The following CCSER1 variants were observed in gnomAD, a reference collection of about 807,000 sequenced individuals.
CCSER1 encodes the protein coiled-coil serine rich protein 1.
CCSER1 carries 41 observed loss-of-function variants against 82.0 expected under a neutral mutation model. The ratio of observed to expected loss-of-function variants is 0.50; its 90% CI spans 0.39 to 0.65. The LOEUF is 0.65. Ranked by LOEUF, CCSER1 falls within the 30% of genes least tolerant of loss-of-function variation. The pLI is 0.00. For synonymous variants in CCSER1, 414 were observed against 383.9 expected (o/e 1.08, Z -0.92); for missense variants, 1,119 against 1,064.2 (o/e 1.05, Z -0.72).
intron 6 of CCSER1, among the ~76,000 whole-genome samples, chr4:90,718,955 T>C (rs1331519264): frequency 6.6e-6 from 1 of 152,078 alleles, no homozygotes; most frequent in Non-Finnish European, 1.5e-5. Flanking sequence ...AACTGGTCAA[T>C]GTATTTGGAT....
At chr4:90,302,896 G>C (rs1733447547) in intron 1 of CCSER1, among the ~76,000 whole-genome samples, 1 of 152,122 alleles carries the variant, frequency 6.6e-6, no homozygotes, top group African/African-American at 2.4e-5. Flanking sequence ...TGAAAGCGGA[G>C]CATGAAGTGT....
At chr4:91,556,378 C>T (rs901610403) in intron 10 of CCSER1, among the ~76,000 whole-genome samples, 1 of 150,676 alleles carries the variant, frequency 6.6e-6, no homozygotes, top group African/African-American at 2.4e-5. Context: ...TTAAAGAACA[C>T]AGTGGAAATT....
intron 4 of CCSER1, among the ~76,000 whole-genome samples, chr4:90,458,509 T>G (rs961222537): frequency 3.3e-5 from 5 of 152,142 alleles, no homozygotes; most frequent in African/African-American, 1.2e-4. Flanking sequence ...TGTGCCACCA[T>G]GCCTGGCTAA....
Position 90,308,817 on chromosome 4 carries a change from G to A in CCSER1, c.533G>A (p.Arg178Lys). 1 of 1,613,762 alleles carries A rather than the reference G, an allele frequency of 6.2e-7. No homozygotes were observed. The highest frequency in any genetic ancestry group is 8.5e-7 in the Non-Finnish European group (1 of 1,179,818). Residue 178 changes from arginine to lysine, a missense_variant, in exon 2 of 11, where the codon AGG (arginine) becomes AAG (lysine). Coordinates refer to ENST00000509176, the MANE Select transcript of CCSER1 (RefSeq NM_001145065.2). ...QTRRSVKQST[R>K]KLLPKSFSSH... ...CGTCGTTCTGTTAAGCAGTCAACAA[G>A]GAAGCTACTCCCTAAATCTTTTTCA...
At chr4:90,759,255 G>A (rs943230119) in intron 7 of CCSER1, among the ~76,000 whole-genome samples, 1 of 152,156 alleles carries the variant, frequency 6.6e-6, no homozygotes, top group African/African-American at 2.4e-5. Context: ...CTAATAGACT[G>A]TAATTAATCT....
At chr4:91,188,269 G>A (rs1356374516) in intron 10 of CCSER1, among the ~76,000 whole-genome samples, 1 of 151,990 alleles carries the variant, frequency 6.6e-6, no homozygotes, top group Non-Finnish European at 1.5e-5. Flanking sequence ...TCTCTTCTCA[G>A]TTTTCAGGAA....
At chr4:91,262,055 G>A (rs977015711) in intron 10 of CCSER1, among the ~76,000 whole-genome samples, 2 of 151,904 alleles carry the variant, frequency 1.3e-5, no homozygotes, top group Non-Finnish European at 2.9e-5. Flanking sequence ...ATTTGCCCCG[G>A]ATGATTAAAG....
chr4:90,319,720 A>G (rs1357030867), intron 3 of CCSER1, among the ~76,000 whole-genome samples: 1 of 152,216 alleles, frequency 6.6e-6, no homozygotes, highest in Non-Finnish European at 1.5e-5. Flanking sequence ...CCTTAATGAG[A>G]CTTTCCAGTA....
intron 3 of CCSER1, among the ~76,000 whole-genome samples, chr4:90,377,371 A>G (rs542021559): frequency 6.6e-6 from 1 of 152,310 alleles, no homozygotes; most frequent in South Asian, 2.1e-4. Context: ...CATAAAATGC[A>G]TTCTATTTAA....
intron 9 of CCSER1, among the ~76,000 whole-genome samples, chr4:90,988,328 T>C (rs545620997): frequency 2.3e-3 from 229 of 100,302 alleles, no homozygotes; most frequent in Non-Finnish European, 3.1e-3. Flanking sequence ...GAGTGATATC[T>C]TGTCTCAAAA....
At chr4:91,457,916 T>C (rs1347158499) in intron 10 of CCSER1, among the ~76,000 whole-genome samples, 1 of 152,150 alleles carries the variant, frequency 6.6e-6, no homozygotes, top group Non-Finnish European at 1.5e-5. Context: ...TAGATACAAG[T>C]GTATGATATA....
chr4:90,179,152 A>C (rs1578349693), intron 1 of CCSER1, among the ~76,000 whole-genome samples: 1 of 152,324 alleles, frequency 6.6e-6, no homozygotes, highest in Non-Finnish European at 1.5e-5. Context: ...CTGGAGGAAC[A>C]ATTAGATCAA....
At chr4:91,304,459 A>G (rs1021636917) in intron 10 of CCSER1, among the ~76,000 whole-genome samples, 4 of 152,084 alleles carry the variant, frequency 2.6e-5, no homozygotes, top group East Asian at 1.9e-4. Context: ...ATGCATGTCT[A>G]TAGTCTGTGA....
chr4:91,141,199 G>A (rs1343395583), intron 10 of CCSER1, among the ~76,000 whole-genome samples: 1 of 151,334 alleles, frequency 6.6e-6, no homozygotes, highest in Non-Finnish European at 1.5e-5. Context: ...TGTCACCCAG[G>A]CTGGAGTGAA....
At chr4:90,943,103 C>T (rs1192606938) in intron 9 of CCSER1, among the ~76,000 whole-genome samples, 1 of 151,862 alleles carries the variant, frequency 6.6e-6, no homozygotes, top group Non-Finnish European at 1.5e-5. Context: ...TGCCTTCATG[C>T]TCAGGCTCTT....
intron 10 of CCSER1, among the ~76,000 whole-genome samples, chr4:91,197,766 T>C (rs918182222): frequency 6.6e-6 from 1 of 152,214 alleles, no homozygotes; most frequent in Non-Finnish European, 1.5e-5. Flanking sequence ...TAGACCTCAC[T>C]ATACGTGCCC....
At position 90,180,808 on chromosome 4, in the gene CCSER1, T is replaced by C. The variant is rs569847008; in HGVS notation, c.-42+52977T>C. The stretch of plus-strand genomic sequence containing the variant: ...TGTATATAGATATTCAGTAAATATT[T>C]CATGGCTTCGACAACAAATAACACT... On this transcript the variant is annotated intron_variant, in intron 1 of 10. Coordinates refer to ENST00000509176, the MANE Select transcript of CCSER1 (RefSeq NM_001145065.2). Among the ~76,000 whole-genome samples the C allele has an allele frequency of 3.9e-5, 6 of 152,266 alleles. No homozygotes were observed. The East Asian group carries it at 5.8e-4, about 15-fold the overall frequency.
intron 9 of CCSER1, among the ~76,000 whole-genome samples, chr4:90,967,771 T>C (rs1163198959): frequency 6.6e-6 from 1 of 152,056 alleles, no homozygotes; most frequent in Non-Finnish European, 1.5e-5. Flanking sequence ...TTTTCAGCCC[T>C]TATTCCACCC....
Position 91,515,127 on chromosome 4 carries a change from T to C in CCSER1, c.2218-83445T>C, listed in dbSNP as rs190127727. On this transcript the variant is annotated intron_variant, in intron 10 of 10. Transcript: ENST00000509176. Reference sequence around the variant, plus strand: ...ATTATGGTATTATTTTTCACCCTATTATTTTAAAACTGTTTGTATCTTTGA... The same window carrying C: ...ATTATGGTATTATTTTTCACCCTATCATTTTAAAACTGTTTGTATCTTTGA... Among the ~76,000 whole-genome samples the C allele has an allele frequency of 3.3e-3, 503 of 152,302 alleles. 1 individual carries two copies. The highest frequency in any genetic ancestry group is 0.014 in the Middle Eastern group (4 of 294).
Sources: gnomAD v4.1 joint callset for allele counts (sites outside exome capture counted in the v4.1 genomes callset) on GRCh38, gnomAD v4.1.1 for gene constraint, MANE v1.5 for transcripts, NCBI Gene and HGNC (gene_info 2026-07-23, HGNC 2026-07-21) for gene names.